SUGP1: variants seen among roughly 807,000 people sequenced by gnomAD.
The protein encoded by SUGP1 is SURP and G-patch domain containing 1.
In SUGP1, 34 loss-of-function variants were observed where a neutral mutation model predicts 76.5. The ratio of observed to expected loss-of-function variants is 0.44; its 90% CI spans 0.34 to 0.59. The LOEUF (loss-of-function observed/expected upper bound fraction) is 0.59, where lower values mean the gene tolerates loss of function less well. Among genes scored for constraint, SUGP1 ranks in the 20% least tolerant of loss-of-function variants. The probability of loss-of-function intolerance (pLI) is 0.01; values close to 1 mark genes in which losing one functional copy is unlikely to be tolerated. For missense variants in SUGP1, 752 were observed against 851.7 expected, an observed-to-expected ratio of 0.88 and a Z score of 1.46; for synonymous variants, 326 against 326.2, an observed-to-expected ratio of 1.00 and a Z score of 0.01.
intron 6 of SUGP1, chr19:19,302,596 C>G: frequency 1.5e-6 from 1 of 654,450 alleles, no homozygotes; most frequent in South Asian, 2.0e-5. Context: ...CCCCGTCCCA[C>G]AAGGGAGGTC....
At chr19:19,282,894 G>A (rs368725798) in intron 8 of SUGP1, among the ~76,000 whole-genome samples, 20 of 152,194 alleles carry the variant, frequency 1.3e-4, no homozygotes, top group East Asian at 7.7e-4. Flanking sequence ...TGGCTAACAC[G>A]GTGAAACCCC....
At chr19:19,311,144 A>T (rs1334056949) in intron 2 of SUGP1, among the ~76,000 whole-genome samples, 1 of 149,800 alleles carries the variant, frequency 6.7e-6, no homozygotes, top group Non-Finnish European at 1.5e-5. Context: ...GTCCCACCTC[A>T]GCCTCCCAAG....
At chr19:19,287,987 T>A (rs2061154172) in intron 8 of SUGP1, among the ~76,000 whole-genome samples, 1 of 152,188 alleles carries the variant, frequency 6.6e-6, no homozygotes, top group African/African-American at 2.4e-5. Flanking sequence ...ACGACACTGA[T>A]GAAGATGACC....
intron 7 of SUGP1, among the ~76,000 whole-genome samples, chr19:19,298,569 C>T (rs1347217295): frequency 2.6e-5 from 4 of 152,120 alleles, no homozygotes; most frequent in Non-Finnish European, 5.9e-5. Context: ...TGTGTGTCTA[C>T]GGCCCTGCTA....
chr19:19,277,899 CT>C lies in SUGP1; in HGVS notation c.1636-21del, dbSNP rs1391020709. On this transcript the variant is annotated intron_variant, in intron 11 of 13. Transcript: ENST00000247001. ...GCCCTCCTGCAAGGTGAGGAGGTAG[CT>C]GTCACCCACCAGGGCTGGGGCTGTG... The C allele has an allele frequency of 6.2e-7, 1 of 1,611,946 alleles. No homozygotes were observed. Among genetic ancestry groups the C allele is most frequent in the Admixed American group, 1.7e-5 (1 of 59,960 alleles).
chr19:19,313,994 C>T (rs1028314756), intron 2 of SUGP1, among the ~76,000 whole-genome samples: 4 of 152,046 alleles, frequency 2.6e-5, no homozygotes, highest in East Asian at 1.9e-4. Context: ...AAAAATTAGC[C>T]GGGCACGATG....
chr19:19,298,260 G>A (rs1445022414), intron 7 of SUGP1, among the ~76,000 whole-genome samples: 2 of 152,200 alleles, frequency 1.3e-5, no homozygotes, highest in Non-Finnish European at 2.9e-5. Context: ...CTCTTTGGGA[G>A]GCCGAGGCGG....
chr19:19,307,140 C>T (rs535350525), intron 3 of SUGP1, among the ~76,000 whole-genome samples: 70 of 152,190 alleles, frequency 4.6e-4, no homozygotes, highest in African/African-American at 1.7e-3. Context: ...ACCTCCTGAA[C>T]TCCTGGGCTC....
At chr19:19,312,996 A>T (rs369728600) in intron 2 of SUGP1, among the ~76,000 whole-genome samples, 47 of 151,916 alleles carry the variant, frequency 3.1e-4, no homozygotes, top group South Asian at 6.2e-4. Context: ...TCTCAAAAAA[A>T]AAATAAATAA....
chr19:19,295,887 A>G (rs1485721075), intron 8 of SUGP1, among the ~76,000 whole-genome samples: 2 of 152,166 alleles, frequency 1.3e-5, no homozygotes, highest in African/African-American at 2.4e-5. Context: ...ACGTGGGGAA[A>G]AAAGGACTAA....
At chr19:19,300,547 G>A (rs1040479761) in intron 7 of SUGP1, among the ~76,000 whole-genome samples, 1 of 152,198 alleles carries the variant, frequency 6.6e-6, no homozygotes, top group Non-Finnish European at 1.5e-5. Context: ...TAGCATTTCT[G>A]TGCTTTGGGG....
At chr19:19,295,672 T>C (rs1158090379) in intron 8 of SUGP1, among the ~76,000 whole-genome samples, 1 of 149,452 alleles carries the variant, frequency 6.7e-6, no homozygotes, top group Non-Finnish European at 1.5e-5. Flanking sequence ...ATCGTGCCAC[T>C]TGCACTGCAG....
chr19:19,315,828 G>GA (rs1421848071), intron 2 of SUGP1, among the ~76,000 whole-genome samples: 70 of 151,896 alleles, frequency 4.6e-4, no homozygotes, highest in African/African-American at 1.7e-3. Context: ...TAAGGGCAGA[G>GA]GTTTTTTTTT....
intron 8 of SUGP1, among the ~76,000 whole-genome samples, chr19:19,291,888 G>GAC (rs1555788743): frequency 3.1e-5 from 2 of 65,326 alleles, no homozygotes; most frequent in Admixed American, 1.6e-4. Flanking sequence ...GTGAGACTCT[G>GAC]TCACACACAC....
chr19:19,278,652 T>C (rs2146589167), intron 11 of SUGP1, 38 bp downstream of exon 11: 1 of 1,564,552 alleles, frequency 6.4e-7, no homozygotes, highest in South Asian at 1.2e-5. Flanking sequence ...GGGGCTGGCA[T>C]GTGGCAGAGG....
intron 1 of SUGP1, among the ~76,000 whole-genome samples, chr19:19,319,510 G>A (rs761125213): frequency 6.6e-6 from 1 of 151,752 alleles, no homozygotes; most frequent in Non-Finnish European, 1.5e-5. Flanking sequence ...GCTGAGATGG[G>A]AGGATCGCTT....
chr19:19,294,510 CA>C (rs58011841), intron 8 of SUGP1, among the ~76,000 whole-genome samples: 1,766 of 90,376 alleles, frequency 0.02, 16 homozygotes, highest in South Asian at 0.066. Flanking sequence ...GAGTGAGACT[CA>C]AAAAAAAAAA....
At chr19:19,311,054 ATTTTTTTT>A (rs35467129) in intron 2 of SUGP1, among the ~76,000 whole-genome samples, 1 of 137,852 alleles carries the variant, frequency 7.3e-6, no homozygotes, top group Non-Finnish European at 1.6e-5. Flanking sequence ...TAATTTTTTA[ATTTTTTTT>A]TTTTTTTTTG....
At chr19:19,303,557 GAA>G in intron 5 of SUGP1, 109 bp from the exon 6 acceptor site, 1 of 1,348,848 alleles carries the variant, frequency 7.4e-7, no homozygotes, top group Non-Finnish European at 1.1e-6. Flanking sequence ...GCAGGGACCC[GAA>G]AGCAAGTCTC....
Sources: gnomAD v4.1 joint callset for allele counts (sites outside exome capture counted in the v4.1 genomes callset) on GRCh38, gnomAD v4.1.1 for gene constraint, MANE v1.5 for transcripts, NCBI Gene and HGNC (gene_info 2026-07-23, HGNC 2026-07-21) for gene names.